Variants in TANC1 observed in about 807,000 individuals in gnomAD.
TANC1 encodes the protein protein TANC1.
In TANC1, 77 loss-of-function variants were observed where a neutral mutation model predicts 149.7. The ratio of observed to expected loss-of-function variants is 0.51; its 90% confidence interval spans 0.43 to 0.62. The LOEUF is 0.62. Among genes scored for constraint, TANC1 ranks in the 20% least tolerant of loss-of-function variants. The probability of loss-of-function intolerance (pLI) is 0.00; values close to 1 mark genes in which losing one functional copy is unlikely to be tolerated. For synonymous variants in TANC1, 854 were observed against 925.0 expected (o/e 0.92, Z 1.39); for missense variants, 1,985 against 2,321.8 (o/e 0.85, Z 2.98).
intron 1 of TANC1, among the ~76,000 whole-genome samples, chr2:158,969,264 G>A (rs2032463725): frequency 1.3e-5 from 2 of 152,210 alleles, no homozygotes; most frequent in African/African-American, 4.8e-5. Context: ...CGGGGTCCTG[G>A]GCGCCCCCCG....
At chr2:159,004,930 C>G (rs934355456) in intron 2 of TANC1, among the ~76,000 whole-genome samples, 1 of 152,270 alleles carries the variant, frequency 6.6e-6, no homozygotes, top group Middle Eastern at 3.4e-3. Context: ...GCAAGCCAGT[C>G]ATAAGCATTG....
In TANC1 at chr2:159,224,390, CAGG is replaced by C. The variant is rs1409212374; in HGVS notation, c.3811+32_3811+34del. The stretch of plus-strand genomic sequence containing the variant: ...GTCAGTGAGCACTGCCTCCATTGAG[CAGG>C]AGGAGCGGTGAGCTCCCGATTGTAG... On this transcript the variant is annotated intron_variant, in intron 23 of 26. Coordinates refer to ENST00000263635, the MANE Select transcript of TANC1 (RefSeq NM_033394.3). The C allele has an allele frequency of 6.8e-6, 11 of 1,613,668 alleles. No homozygotes were observed. In the East Asian group the frequency reaches 1.6e-4, roughly 23 times the overall value.
At chr2:159,181,497 C>T (rs2056471736) in intron 14 of TANC1, among the ~76,000 whole-genome samples, 1 of 152,172 alleles carries the variant, frequency 6.6e-6, no homozygotes, top group Non-Finnish European at 1.5e-5. Context: ...CGGGGTTTCA[C>T]CGTGTTAGCC....
intron 3 of TANC1, among the ~76,000 whole-genome samples, chr2:159,091,922 T>G (rs2045582424): frequency 6.7e-6 from 1 of 148,604 alleles, no homozygotes; most frequent in African/African-American, 2.4e-5. Flanking sequence ...AAAATGATAC[T>G]GGATCTTGTG....
At chr2:159,135,312 G>A (rs2050553027) in intron 4 of TANC1, among the ~76,000 whole-genome samples, 1 of 152,236 alleles carries the variant, frequency 6.6e-6, no homozygotes, top group Non-Finnish European at 1.5e-5. Flanking sequence ...CATTGTGTGG[G>A]CAAAGAACAT....
At chr2:159,066,022 G>C (rs369510690) in intron 3 of TANC1, 51 bp downstream of exon 3, 27 of 1,414,440 alleles carry the variant, frequency 1.9e-5, no homozygotes, top group Non-Finnish European at 2.7e-5. Context: ...GCAGCAAGCT[G>C]CTCCTCACCC....
chr2:159,042,359 C>T (rs2040712439), intron 2 of TANC1, among the ~76,000 whole-genome samples: 2 of 152,268 alleles, frequency 1.3e-5, no homozygotes, highest in South Asian at 4.1e-4. Context: ...TGTGTTTGAA[C>T]ATGGAGAGCA....
chr2:158,973,109 A>G (rs2033137203), intron 1 of TANC1, among the ~76,000 whole-genome samples: 1 of 152,208 alleles, frequency 6.6e-6, no homozygotes, highest in Non-Finnish European at 1.5e-5. Flanking sequence ...CATAGACAGA[A>G]TGTCAAGGAC....
intron 3 of TANC1, among the ~76,000 whole-genome samples, chr2:159,087,956 A>G (rs2045116548): frequency 6.6e-6 from 1 of 151,000 alleles, no homozygotes; most frequent in Non-Finnish European, 1.5e-5. Flanking sequence ...GCATGAATCT[A>G]TAATCCAAGG....
intron 22 of TANC1, among the ~76,000 whole-genome samples, chr2:159,222,021 C>G (rs1459948928): frequency 2.6e-5 from 4 of 152,154 alleles, no homozygotes; most frequent in African/African-American, 9.7e-5. Context: ...GAAGCCATGG[C>G]CCTGTACCTC....
intron 2 of TANC1, among the ~76,000 whole-genome samples, chr2:159,064,337 C>G (rs577480707): frequency 3.3e-5 from 5 of 152,214 alleles, no homozygotes; most frequent in African/African-American, 7.2e-5. Flanking sequence ...GAATTAGGCT[C>G]TAAGCCATGC....
rs115986240 is a variant in TANC1, at chr2:158,969,796, G to T, written c.-126+1014G>T. On this transcript the variant is annotated intron_variant, in intron 1 of 26. Coordinates refer to ENST00000263635, the MANE Select transcript of TANC1 (RefSeq NM_033394.3). ...AAACGCGGCGCTGCGGCCAAGGGGCGGAGGACGCCAGGCTCGGCAACGGCC... is the reference window on the plus strand; with the variant it reads ...AAACGCGGCGCTGCGGCCAAGGGGCTGAGGACGCCAGGCTCGGCAACGGCC... Among the ~76,000 whole-genome samples, 410 of 152,356 alleles carry T rather than the reference G, an allele frequency of 2.7e-3. 2 individuals are homozygous for T. The highest frequency in any genetic ancestry group is 9.4e-3 in the African/African-American group (391 of 41,584).
At chr2:159,212,467 T>C (rs1575291141) in intron 19 of TANC1, among the ~76,000 whole-genome samples, 1 of 152,172 alleles carries the variant, frequency 6.6e-6, no homozygotes, top group East Asian at 1.9e-4. Context: ...AAGAAATCAC[T>C]TCATCCCTAC....
Position 159,077,171 on chromosome 2 carries a change from C to A in TANC1, c.61+11200C>A, listed in dbSNP as rs1003346924. Among the ~76,000 whole-genome samples the A allele has an allele frequency of 7.8e-4, 119 of 152,246 alleles. 1 individual carries two copies. Among genetic ancestry groups the A allele is most frequent in the African/African-American group, 2.6e-3 (110 of 41,538 alleles). On this transcript the variant is annotated intron_variant, in intron 3 of 26. Transcript: ENST00000263635. ...ACTTCTGGATTACGCAGTCCTCCCA[C>A]CTCAGGCTCCCTAGTTGCTGCGCTA...
chr2:159,217,446 CTG>C, intron 19 of TANC1, 49 bp from the exon 20 acceptor site: 1 of 1,608,514 alleles, frequency 6.2e-7, no homozygotes, highest in African/African-American at 1.3e-5. Context: ...TTCTGGCTAT[CTG>C]TGCTCCACCA....
chr2:159,097,949 T>C (rs895551505), intron 4 of TANC1, 115 bp downstream of exon 4: 5 of 882,118 alleles, frequency 5.7e-6, no homozygotes, highest in Non-Finnish European at 8.7e-6. Flanking sequence ...TTTGTCGCAG[T>C]ATCTTCTAGA....
At chr2:159,031,737 T>G (rs572164628) in intron 2 of TANC1, among the ~76,000 whole-genome samples, 1 of 152,324 alleles carries the variant, frequency 6.6e-6, no homozygotes, top group East Asian at 1.9e-4. Context: ...TAATCCATTC[T>G]GAGTAGATGA....
chr2:159,225,570 TGTGGTCCTTGCAGCTGGGCTCCTG>T (rs1379075550), intron 23 of TANC1, 94 bp from the exon 24 acceptor site: 1 of 754,600 alleles, frequency 1.3e-6, no homozygotes, highest in East Asian at 2.6e-5. Flanking sequence ...CTCATCGTGC[TGTGGTCCTTGCAGCTGGGCTCCTG>T]CTGGTGCTGA....
chr2:159,035,879 G>A (rs1384727352), intron 2 of TANC1, among the ~76,000 whole-genome samples: 2 of 152,154 alleles, frequency 1.3e-5, no homozygotes, highest in Non-Finnish European at 2.9e-5. Flanking sequence ...TGGGGAAGAG[G>A]CCAAAGAGAA....
Sources: gnomAD v4.1 joint callset for allele counts (sites outside exome capture counted in the v4.1 genomes callset) on GRCh38, gnomAD v4.1.1 for gene constraint, MANE v1.5 for transcripts, NCBI Gene and HGNC (gene_info 2026-07-23, HGNC 2026-07-21) for gene names.